The following ABI1 variants were observed in gnomAD, a reference collection of about 807,000 sequenced individuals.
ABI1 encodes abl interactor 1, also known as Abelson interactor 1.
A neutral mutation model predicts 54.6 loss-of-function variants in ABI1; 14 were observed. The ratio of observed to expected loss-of-function variants is 0.26; its 90% CI spans 0.17 to 0.40. ABI1 has a LOEUF of 0.40. Ranked by LOEUF, ABI1 falls within the 10% of genes least tolerant of loss-of-function variation. The probability of loss-of-function intolerance (pLI) is 1.00; values close to 1 mark genes in which losing one functional copy is unlikely to be tolerated. For synonymous variants in ABI1, 194 were observed against 209.3 expected (o/e 0.93, Z 0.63); for missense variants, 443 against 598.3 (o/e 0.74, Z 2.71).
intron 2 of ABI1, among the ~76,000 whole-genome samples, chr10:26,804,131 C>A (rs1452180325): frequency 6.6e-6 from 1 of 151,986 alleles, no homozygotes; most frequent in African/African-American, 2.4e-5. Flanking sequence ...GTCTGTAATC[C>A]CAGCACTTTG....
intron 7 of ABI1, among the ~76,000 whole-genome samples, chr10:26,763,692 A>T (rs952853271): frequency 3.3e-5 from 5 of 152,244 alleles, no homozygotes; most frequent in Non-Finnish European, 5.9e-5. Context: ...AAGTTGTTTT[A>T]TATTTGTTTA....
At chr10:26,775,335 C>T (rs1841253259) in intron 3 of ABI1, among the ~76,000 whole-genome samples, 1 of 152,128 alleles carries the variant, frequency 6.6e-6, no homozygotes, top group Admixed American at 6.5e-5. Context: ...ATATATTCTT[C>T]TCACAGACCA....
chr10:26,762,375 G>A (rs1183473472), intron 7 of ABI1, among the ~76,000 whole-genome samples: 1 of 152,112 alleles, frequency 6.6e-6, no homozygotes, highest in Non-Finnish European at 1.5e-5. Flanking sequence ...AGAGTTTCCC[G>A]ATTGAAGCAG....
intron 2 of ABI1, among the ~76,000 whole-genome samples, chr10:26,806,782 T>C (rs372175424): frequency 1.3e-5 from 2 of 152,066 alleles, no homozygotes; most frequent in African/African-American, 4.8e-5. Flanking sequence ...ATGAGTAATA[T>C]CAGTGCAAGA....
intron 8 of ABI1, 140 bp from the exon 9 acceptor site, chr10:26,755,881 AAAAAC>A: frequency 1.8e-6 from 1 of 548,288 alleles, no homozygotes; most frequent in Non-Finnish European, 3.1e-6. Context: ...AAACAAAACA[AAAAAC>A]AAAACAAAAA....
chr10:26,860,373 G>A lies in ABI1; in HGVS notation c.117+374C>T, dbSNP rs763046325. On this transcript the variant is annotated intron_variant, in intron 1 of 10. Transcript: ENST00000376140. This position sits in a 1 kb window ranked among gnomAD's most constrained non-coding sequence, Gnocchi z 4.1. ...GAGGCGGCGCGGCGGCAGCTCGGGG[G>A]TATTCCGGGACTCCAGCCCTGCGGA... is the stretch of plus-strand genomic sequence containing the variant. 6.6e-5 allele frequency among the ~76,000 whole-genome samples: 10 copies of A among 152,040 alleles called. No homozygotes were observed. The highest frequency in any genetic ancestry group is 2.0e-4 in the Admixed American group (3 of 15,266).
At chr10:26,850,183 C>T (rs2050276522) in intron 1 of ABI1, among the ~76,000 whole-genome samples, 1 of 152,150 alleles carries the variant, frequency 6.6e-6, no homozygotes, top group African/African-American at 2.4e-5. Flanking sequence ...CACTGAGATG[C>T]AATAATGTAA....
chr10:26,788,747 C>T (rs185553818), intron 2 of ABI1, among the ~76,000 whole-genome samples: 250 of 151,954 alleles, frequency 1.6e-3, no homozygotes, highest in Middle Eastern at 6.8e-3. Flanking sequence ...CCCGTCTCTA[C>T]TAAAAATACA....
Position 26,860,255 on chromosome 10 carries a change from C to T in ABI1, c.117+492G>A, listed in dbSNP as rs892184432. On this transcript the variant is annotated intron_variant, in intron 1 of 10. Transcript: ENST00000376140. This position sits in a 1 kb window ranked among gnomAD's most constrained non-coding sequence, Gnocchi z 4.1. ...CCACCCTCCGCCGACACACAACACA[C>T]ACCCCGCTGGTCCTCTCCCTTCTGC... is the stretch of plus-strand genomic sequence containing the variant. Among the ~76,000 whole-genome samples, 2 of 152,154 alleles carry T rather than the reference C, an allele frequency of 1.3e-5. No homozygotes were observed. Among genetic ancestry groups the T allele is most frequent in the African/African-American group, 4.8e-5 (2 of 41,438 alleles).
chr10:26,747,731 C>A lies in ABI1; in HGVS notation c.*839G>T. ...TGCAGATTTTGAATCTGCAAAAATC[C>A]GTCACATTGCTGTTGGGACAGATTA... On this transcript the variant is annotated 3_prime_UTR_variant, in exon 11 of 11. Coordinates refer to ENST00000376140, the MANE Select transcript of ABI1 (RefSeq NM_001012750.3). 1 of 195,774 alleles carries A rather than the reference C, an allele frequency of 5.1e-6. No homozygotes were observed. Among genetic ancestry groups the A allele is most frequent in the Non-Finnish European group, 1.1e-5 (1 of 94,386 alleles). The allele number at this position is 195,774 out of a possible 1,614,324, so 12.1% of individuals were successfully genotyped here. A position where few individuals can be genotyped will look rare whatever the true frequency, so the allele number is the denominator to read the frequency against.
chr10:26,849,943 A>G (rs929571892), intron 1 of ABI1, among the ~76,000 whole-genome samples: 1 of 152,256 alleles, frequency 6.6e-6, no homozygotes, highest in Non-Finnish European at 1.5e-5. Flanking sequence ...TTATTGATAT[A>G]GTTTCAGAGT....
intron 1 of ABI1, among the ~76,000 whole-genome samples, chr10:26,853,905 T>C (rs561473078): frequency 1.3e-5 from 2 of 152,266 alleles, no homozygotes; most frequent in East Asian, 3.9e-4. Flanking sequence ...CTGCACAATA[T>C]CCTAGAGTTT....
rs1329363442 is a variant in ABI1, at chr10:26,860,261, G to C, written c.117+486C>G. Among the ~76,000 whole-genome samples the C allele has an allele frequency of 6.6e-6, 1 of 151,708 alleles. No homozygotes were observed. Among genetic ancestry groups the C allele is most frequent in the Non-Finnish European group, 1.5e-5 (1 of 67,938 alleles). ...TCCGCCGACACACAACACACACCCC[G>C]CTGGTCCTCTCCCTTCTGCGGCTTC... On this transcript the variant is annotated intron_variant, in intron 1 of 10. Coordinates refer to ENST00000376140, the MANE Select transcript of ABI1 (RefSeq NM_001012750.3). This position sits in a 1 kb window ranked among gnomAD's most constrained non-coding sequence, Gnocchi z 4.1.
At chr10:26,835,894 C>T (rs193267434) in intron 1 of ABI1, among the ~76,000 whole-genome samples, 10 of 151,300 alleles carry the variant, frequency 6.6e-5, no homozygotes, top group African/African-American at 7.3e-5. Context: ...GCACTACAGG[C>T]GCATGCCACC....
Position 26,840,144 on chromosome 10 carries a change from G to C in ABI1, c.118-16839C>G, listed in dbSNP as rs188041656. ...TGTTGAAATATGATCCCCAATGCTG[G>C]AGGTGGATCCTAATGGGAGGTGTCT... On this transcript the variant is annotated intron_variant, in intron 1 of 10. Coordinates refer to ENST00000376140, the MANE Select transcript of ABI1 (RefSeq NM_001012750.3). 4.3e-3 allele frequency among the ~76,000 whole-genome samples: 651 copies of C among 152,264 alleles called. 4 individuals are homozygous for C. Among genetic ancestry groups the C allele is most frequent in the South Asian group, 0.014 (69 of 4,822 alleles).
At chr10:26,815,790 G>A (rs1203551580) in intron 2 of ABI1, among the ~76,000 whole-genome samples, 1 of 152,068 alleles carries the variant, frequency 6.6e-6, no homozygotes, top group African/African-American at 2.4e-5. Context: ...GTGCATCTGT[G>A]GTCCCAGCTA....
intron 6 of ABI1, among the ~76,000 whole-genome samples, chr10:26,768,023 G>C (rs1840171620): frequency 6.6e-6 from 1 of 151,762 alleles, no homozygotes; most frequent in South Asian, 2.1e-4. Context: ...TCCAGCCTGG[G>C]TGACAGAGCT....
At chr10:26,854,955 A>G (rs937433096) in intron 1 of ABI1, among the ~76,000 whole-genome samples, 7 of 152,214 alleles carry the variant, frequency 4.6e-5, no homozygotes, top group African/African-American at 1.7e-4. Context: ...TGTAATTCCT[A>G]TACAGGTTCA....
At chr10:26,787,637 C>T (rs1193317738) in intron 2 of ABI1, among the ~76,000 whole-genome samples, 1 of 152,126 alleles carries the variant, frequency 6.6e-6, no homozygotes, top group Non-Finnish European at 1.5e-5. Context: ...CATATGTTCA[C>T]CAAGCGAGAG....
Sources: gnomAD v4.1 joint callset for allele counts (sites outside exome capture counted in the v4.1 genomes callset) on GRCh38, gnomAD v4.1.1 for gene constraint, Gnocchi (gnomAD v3.1) non-coding constraint, MANE v1.5 for transcripts, NCBI Gene and HGNC (gene_info 2026-07-23, HGNC 2026-07-21) for gene names.